PPHLN1: variants seen among roughly 807,000 people sequenced by gnomAD.
The protein encoded by PPHLN1 is periphilin-1.
Under a neutral mutation model 51.3 loss-of-function variants are expected in PPHLN1, and 29 were observed. The ratio of observed to expected loss-of-function variants is 0.57; its 90% CI spans 0.42 to 0.77. The LOEUF is 0.77. PPHLN1 is among the 30% of genes least tolerant of loss of function. The pLI is 0.00. For synonymous variants in PPHLN1, 147 were observed against 147.8 expected, an observed-to-expected ratio of 0.99 and a Z score of 0.04; for missense variants, 436 against 438.4, an observed-to-expected ratio of 0.99 and a Z score of 0.05.
At chr12:42,381,572 G>A (rs2076760731) in intron 5 of PPHLN1, among the ~76,000 whole-genome samples, 1 of 152,192 alleles carries the variant, frequency 6.6e-6, no homozygotes, top group Non-Finnish European at 1.5e-5. Context: ...CAGAGGTGAT[G>A]CAATGCTTTC....
intron 1 of PPHLN1, among the ~76,000 whole-genome samples, chr12:42,334,017 T>C (rs2070211546): frequency 6.6e-6 from 1 of 152,272 alleles, no homozygotes; most frequent in African/African-American, 2.4e-5. Context: ...TTGACATTTT[T>C]CCCCTTTGAT....
chr12:42,345,851 G>C (rs1230294042), intron 2 of PPHLN1, among the ~76,000 whole-genome samples: 1 of 151,424 alleles, frequency 6.6e-6, no homozygotes, highest in Non-Finnish European at 1.5e-5. Flanking sequence ...TTTCTGGTTT[G>C]TATATTATGG....
At chr12:42,441,025 T>C (rs1440296581) in intron 9 of PPHLN1, among the ~76,000 whole-genome samples, 1 of 152,252 alleles carries the variant, frequency 6.6e-6, no homozygotes, top group African/African-American at 2.4e-5. Context: ...TCTAGTCTGA[T>C]GTCCTTTGAG....
chr12:42,419,426 G>A (rs2080782952), intron 9 of PPHLN1, among the ~76,000 whole-genome samples: 1 of 152,022 alleles, frequency 6.6e-6, no homozygotes, highest in Admixed American at 6.5e-5. Context: ...TAGAGACGGG[G>A]TTTCACCATG....
intron 9 of PPHLN1, among the ~76,000 whole-genome samples, chr12:42,436,348 C>T (rs2082482658): frequency 6.6e-6 from 1 of 152,206 alleles, no homozygotes; most frequent in Admixed American, 6.5e-5. Context: ...CTTACTCCCT[C>T]CTTCAGGAAA....
intron 9 of PPHLN1, among the ~76,000 whole-genome samples, chr12:42,427,715 C>G (rs2081624705): frequency 6.6e-6 from 1 of 152,028 alleles, no homozygotes; most frequent in Non-Finnish European, 1.5e-5. Context: ...ATTTCATGAC[C>G]AAGAACCCAA....
intron 2 of PPHLN1, among the ~76,000 whole-genome samples, chr12:42,344,946 A>G (rs1318426581): frequency 6.6e-6 from 1 of 151,868 alleles, no homozygotes; most frequent in Non-Finnish European, 1.5e-5. Context: ...CTGGCCTCAA[A>G]CTGATCTGCC....
At chr12:42,385,302 CT>C (rs1428329366) in intron 6 of PPHLN1, among the ~76,000 whole-genome samples, 4 of 152,122 alleles carry the variant, frequency 2.6e-5, no homozygotes. Context: ...TGTGTTCTTT[CT>C]TTTGCCATTT....
chr12:42,440,499 A>T (rs1032753254), intron 9 of PPHLN1, among the ~76,000 whole-genome samples: 1 of 152,180 alleles, frequency 6.6e-6, no homozygotes, highest in Non-Finnish European at 1.5e-5. Flanking sequence ...TATGATACCT[A>T]TTATTTCAAA....
intron 1 of PPHLN1, among the ~76,000 whole-genome samples, chr12:42,328,956 C>T (rs1342220677): frequency 2.0e-5 from 3 of 152,116 alleles, no homozygotes; most frequent in African/African-American, 4.8e-5. Context: ...TCAAATGATC[C>T]GCCAGGCTCA....
intron 4 of PPHLN1, among the ~76,000 whole-genome samples, chr12:42,374,380 C>T (rs2076057454): frequency 6.6e-6 from 1 of 152,124 alleles, no homozygotes; most frequent in South Asian, 2.1e-4. Context: ...GATACTGTTT[C>T]ATTTTGTTAG....
intron 4 of PPHLN1, among the ~76,000 whole-genome samples, chr12:42,365,808 G>C (rs2075212413): frequency 6.6e-6 from 1 of 152,188 alleles, no homozygotes; most frequent in Non-Finnish European, 1.5e-5. Flanking sequence ...AAAAGCATCA[G>C]TTTCGTCAGA....
At chr12:42,427,217 T>C (rs1032485706) in intron 9 of PPHLN1, among the ~76,000 whole-genome samples, 5 of 152,232 alleles carry the variant, frequency 3.3e-5, no homozygotes, top group South Asian at 2.1e-4. Context: ...TTTGAAGTTA[T>C]TGTGTTTAAA....
At chr12:42,442,651 A>G, downstream of PPHLN1, 1 of 1,614,124 alleles carries the variant, frequency 6.2e-7, no homozygotes, top group Non-Finnish European at 8.5e-7. Context: ...AGTCTGCAGG[A>G]CAGACTTGGC....
chr12:42,349,850 C>T (rs1192699771), intron 2 of PPHLN1, among the ~76,000 whole-genome samples: 3 of 152,228 alleles, frequency 2.0e-5, no homozygotes, highest in Non-Finnish European at 4.4e-5. Context: ...TTTCTTTTCC[C>T]CACATTTCCC....
chr12:42,441,919 G>A lies in PPHLN1; in HGVS notation c.*410G>A, dbSNP rs1016589218. ...GCTTTGTAACTTGTAATATGTTAAA[G>A]TGTACTATCCTAATAAACTGAATAC... On this transcript the variant is annotated 3_prime_UTR_variant, in exon 10 of 10. Coordinates refer to ENST00000358314, the MANE Select transcript of PPHLN1 (RefSeq NM_201439.2). The A allele has an allele frequency of 2.1e-6, 2 of 974,480 alleles. No homozygotes were observed. The highest frequency in any genetic ancestry group is 6.0e-5 in the Admixed American group (1 of 16,692). The allele number at this position is 974,480 out of a possible 1,614,324, so 60.4% of individuals were successfully genotyped here. A position where few individuals can be genotyped will look rare whatever the true frequency, so the allele number is the denominator to read the frequency against.
chr12:42,442,757 C>T (rs2083067961), downstream of PPHLN1: 1 of 1,612,484 alleles, frequency 6.2e-7, no homozygotes, highest in Non-Finnish European at 8.5e-7. Flanking sequence ...TCATTGGTGC[C>T]CGCTCGGGAT....
chr12:42,378,456 G>A (rs1410255843), intron 5 of PPHLN1, among the ~76,000 whole-genome samples: 9 of 151,828 alleles, frequency 5.9e-5, no homozygotes, highest in East Asian at 3.9e-4. Flanking sequence ...ACGGGGTTCT[G>A]CACTTATCAG....
At chr12:42,375,461 A>G (rs1443614521) in intron 5 of PPHLN1, among the ~76,000 whole-genome samples, 1 of 151,536 alleles carries the variant, frequency 6.6e-6, no homozygotes, top group Non-Finnish European at 1.5e-5. Flanking sequence ...ACAGGTGTGC[A>G]CCACCATGCC....
Sources: gnomAD v4.1 joint callset for allele counts (sites outside exome capture counted in the v4.1 genomes callset) on GRCh38, gnomAD v4.1.1 for gene constraint, MANE v1.5 for transcripts, NCBI Gene and HGNC (gene_info 2026-07-23, HGNC 2026-07-21) for gene names.